Variants in VAT1L observed in about 807,000 individuals in gnomAD.
VAT1L encodes the protein putative NADPH-dependent quinone oxidoreductase VAT1L.
Under a neutral mutation model 44.1 loss-of-function variants are expected in VAT1L, and 34 were observed. The observed-to-expected ratio is 0.77, with a 90% confidence interval of 0.59 to 1.03. The LOEUF is 1.03. Among genes scored for constraint, VAT1L ranks in the 50% least tolerant of loss-of-function variants. The pLI is 0.00. For synonymous variants in VAT1L, 253 were observed against 202.2 expected, an observed-to-expected ratio of 1.25 and a Z score of -2.13; for missense variants, 615 against 538.8, an observed-to-expected ratio of 1.14 and a Z score of -1.40.
intron 3 of VAT1L, among the ~76,000 whole-genome samples, chr16:77,838,643 CCCTTTCCCTCCT>C (rs917443243): frequency 9.9e-5 from 15 of 151,892 alleles, no homozygotes; most frequent in Non-Finnish European, 1.9e-4. Context: ...CTGTCTCCTT[CCCTTTCCCTCCT>C]CCTTTCCCTC....
chr16:77,904,270 T>G (rs1241880077), intron 7 of VAT1L, among the ~76,000 whole-genome samples: 2 of 152,142 alleles, frequency 1.3e-5, no homozygotes, highest in East Asian at 3.9e-4. Context: ...TCCTGCTTTT[T>G]TTACAACAGC....
intron 3 of VAT1L, among the ~76,000 whole-genome samples, chr16:77,828,932 T>A (rs2016551181): frequency 6.6e-6 from 1 of 152,164 alleles, no homozygotes; most frequent in African/African-American, 2.4e-5. Flanking sequence ...CAAATCTGTG[T>A]TTTGAGCCAC....
chr16:77,814,316 C>G (rs1174896334), intron 1 of VAT1L, among the ~76,000 whole-genome samples: 2 of 152,204 alleles, frequency 1.3e-5, no homozygotes, highest in African/African-American at 4.8e-5. Flanking sequence ...GTCCTAGTCT[C>G]CGTCTCCAAA....
chr16:77,963,651 G>A lies in VAT1L; in HGVS notation c.1078-8199G>A, dbSNP rs182841373. On this transcript the variant is annotated intron_variant, in intron 7 of 8. Coordinates refer to ENST00000302536, the MANE Select transcript of VAT1L (RefSeq NM_020927.3). Reference sequence around the variant, plus strand: ...GGGGGGAAAAACCCACAGTGTCACCGAGAGGCTGGGGGAACTGCCTGAAGT... The same window carrying A: ...GGGGGGAAAAACCCACAGTGTCACCAAGAGGCTGGGGGAACTGCCTGAAGT... Among the ~76,000 whole-genome samples, 35 of 152,068 alleles carry A rather than the reference G, an allele frequency of 2.3e-4. No individual in the cohort carries two copies. In the East Asian group the frequency reaches 2.7e-3, roughly 12 times the overall value.
At chr16:77,919,792 A>G (rs148470958) in intron 7 of VAT1L, among the ~76,000 whole-genome samples, 571 of 152,290 alleles carry the variant, frequency 3.7e-3, no homozygotes, top group Non-Finnish European at 6.9e-3. Flanking sequence ...TCATTTATCT[A>G]AAAAACAAAC....
chr16:77,938,161 C>T (rs771652422), intron 7 of VAT1L, among the ~76,000 whole-genome samples: 20 of 152,046 alleles, frequency 1.3e-4, no homozygotes, highest in Non-Finnish European at 2.6e-4. Context: ...AGGGATGGGC[C>T]CCAGAGTTTT....
intron 7 of VAT1L, among the ~76,000 whole-genome samples, chr16:77,887,531 A>C (rs1389685881): frequency 6.6e-6 from 1 of 152,176 alleles, no homozygotes; most frequent in Admixed American, 6.5e-5. Context: ...CTGGCCAGGC[A>C]CAGATGGTAC....
At chr16:77,836,969 C>T (rs986322492) in intron 3 of VAT1L, among the ~76,000 whole-genome samples, 2 of 152,172 alleles carry the variant, frequency 1.3e-5, no homozygotes, top group African/African-American at 2.4e-5. Flanking sequence ...TATCGCACCT[C>T]ATTTTAACAG....
At chr16:77,960,823 A>C (rs892425788) in intron 7 of VAT1L, among the ~76,000 whole-genome samples, 5 of 152,102 alleles carry the variant, frequency 3.3e-5, no homozygotes, top group Admixed American at 2.6e-4. Flanking sequence ...CATTGCAGAC[A>C]GTAATGACTA....
At chr16:77,886,449 C>A (rs1051772370) in intron 7 of VAT1L, among the ~76,000 whole-genome samples, 1 of 152,178 alleles carries the variant, frequency 6.6e-6, no homozygotes, top group African/African-American at 2.4e-5. Flanking sequence ...AAGGACCCAA[C>A]AAATCTGGTA....
At chr16:77,899,552 T>C (rs957263389) in intron 7 of VAT1L, among the ~76,000 whole-genome samples, 1 of 152,248 alleles carries the variant, frequency 6.6e-6, no homozygotes, top group Non-Finnish European at 1.5e-5. Flanking sequence ...GAGTGGGTGC[T>C]TGATACAACT....
chr16:77,796,918 T>G (rs1214783118), intron 1 of VAT1L, among the ~76,000 whole-genome samples: 1 of 152,098 alleles, frequency 6.6e-6, no homozygotes, highest in Non-Finnish European at 1.5e-5. Flanking sequence ...TAGAAGTGGG[T>G]ACCTATGGCC....
At chr16:77,902,729 G>C (rs2017395875) in intron 7 of VAT1L, among the ~76,000 whole-genome samples, 1 of 48,090 alleles carries the variant, frequency 2.1e-5, no homozygotes, top group Non-Finnish European at 4.5e-5. Context: ...GCCGATGGGG[G>C]GGTGGGGGGG....
intron 7 of VAT1L, chr16:77,892,426 G>A (rs2017277044): frequency 2.2e-6 from 1 of 463,868 alleles, no homozygotes; most frequent in Non-Finnish European, 4.2e-6. Flanking sequence ...GCTGCACCAT[G>A]GTCAATCCCA....
intron 7 of VAT1L, among the ~76,000 whole-genome samples, chr16:77,899,226 T>C (rs1216668476): frequency 6.6e-6 from 1 of 152,198 alleles, no homozygotes; most frequent in Admixed American, 6.5e-5. Context: ...CAAAAAGTGG[T>C]GGAGCCAAAA....
At chr16:77,945,567 G>C (rs375615501) in intron 7 of VAT1L, among the ~76,000 whole-genome samples, 1 of 151,860 alleles carries the variant, frequency 6.6e-6, no homozygotes, top group Admixed American at 6.6e-5. Flanking sequence ...TGGGATTACA[G>C]GTGTTAGCCA....
chr16:77,852,634 G>A (rs902675773), intron 3 of VAT1L, among the ~76,000 whole-genome samples: 4 of 152,192 alleles, frequency 2.6e-5, no homozygotes, highest in African/African-American at 7.2e-5. Context: ...ATGGCAATAT[G>A]ATGTTGGGTG....
intron 7 of VAT1L, among the ~76,000 whole-genome samples, chr16:77,894,399 T>A (rs748811893): frequency 5.9e-5 from 9 of 151,826 alleles, no homozygotes; most frequent in South Asian, 2.1e-4. Context: ...AATGCAGAGG[T>A]TGGTGAAGGG....
At chr16:77,807,587 C>T (rs972982558) in intron 1 of VAT1L, among the ~76,000 whole-genome samples, 2 of 152,148 alleles carry the variant, frequency 1.3e-5, no homozygotes, top group Non-Finnish European at 2.9e-5. Context: ...AGAACACTCC[C>T]TATCAGACCT....
Sources: allele counts gnomAD v4.1 joint callset (sites outside exome capture counted in the v4.1 genomes callset), GRCh38; gene constraint gnomAD v4.1.1; transcripts MANE v1.5; gene names NCBI Gene and HGNC (gene_info 2026-07-23, HGNC 2026-07-21).